RBM14: variants seen among roughly 807,000 people sequenced by gnomAD.
RBM14 encodes RNA binding motif protein 14.
RBM14 carries 5 observed loss-of-function variants against 52.8 expected under a neutral mutation model. That is an observed-to-expected ratio of 0.09 (90% confidence interval 0.05 to 0.20). RBM14 has a LOEUF of 0.20. Among genes scored for constraint, RBM14 ranks in the 10% least tolerant of loss-of-function variants. The pLI is 1.00. For synonymous variants in RBM14, 411 were observed against 401.8 expected (o/e 1.02, Z -0.28); for missense variants, 780 against 926.6 (o/e 0.84, Z 2.05).
chr11:66,622,786 T>A (rs1859176704), intron 1 of RBM14, among the ~76,000 whole-genome samples: 1 of 152,238 alleles, frequency 6.6e-6, no homozygotes, highest in African/African-American at 2.4e-5. Flanking sequence ...TTGGAGGTTA[T>A]TAAGAATGTT....
In RBM14 at chr11:66,629,929, A is replaced by T. The variant is rs921730744; in HGVS notation, c.*3261A>T. On this transcript the variant is annotated 3_prime_UTR_variant, in exon 3 of 3. Coordinates refer to ENST00000310137, the MANE Select transcript of RBM14 (RefSeq NM_006328.4). ...TTGTCTCTACCAAAAGAAAAGAAAA[A>T]AAAAAGCCAGCTGTGGTGGCATGCA... 6.6e-6 allele frequency among the ~76,000 whole-genome samples: 1 copy of T among 152,076 alleles called. No homozygotes were observed. The highest frequency in any genetic ancestry group is 2.4e-5 in the African/African-American group (1 of 41,410).
chr11:66,625,820 G>C lies in RBM14; in HGVS notation c.1802+142G>C. On this transcript the variant is annotated intron_variant, in intron 2 of 2. Coordinates refer to ENST00000310137, the MANE Select transcript of RBM14 (RefSeq NM_006328.4). This position sits in a 1 kb window ranked among gnomAD's most constrained non-coding sequence, Gnocchi z 4.2. ...TTGTGGGATGTCCAGAGGCCGAGGGGAGCAGTGTCTATGAACTTTCCTGGT... is the reference window on the plus strand; with the variant it reads ...TTGTGGGATGTCCAGAGGCCGAGGGCAGCAGTGTCTATGAACTTTCCTGGT... The C allele has an allele frequency of 1.5e-6, 1 of 684,984 alleles. No homozygotes were observed. The highest frequency in any genetic ancestry group is 2.0e-5 in the South Asian group (1 of 50,518). The allele number at this position is 684,984 out of a possible 1,614,324, so 42.4% of individuals were successfully genotyped here. A position where few individuals can be genotyped will look rare whatever the true frequency, so the allele number is the denominator to read the frequency against.
rs764619368 is a variant in RBM14, at chr11:66,625,157, C to T, written c.1281C>T (p.Ser427=). ...YAAQQAASYS[S]QPAAYVAQPA... ...CACAGCAGGCTGCTTCCTACTCTTC[C>T]CAACCTGCTGCCTATGTGGCACAGC... The change falls in exon 2 of 3, where the codon TCC becomes TCT. Residue 427 remains serine (S), a synonymous_variant. Coordinates refer to ENST00000310137, the MANE Select transcript of RBM14 (RefSeq NM_006328.4). The surrounding 1 kb of genome is among the most constrained non-coding windows in gnomAD (Gnocchi z 4.2). 10 of 1,612,658 alleles carry T rather than the reference C, an allele frequency of 6.2e-6. No individual in the cohort carries two copies. The highest frequency in any genetic ancestry group is 8.5e-6 in the Non-Finnish European group (10 of 1,180,006).
Position 66,627,625 on chromosome 11 carries a change from T to C in RBM14, c.*957T>C, listed in dbSNP as rs1346666062. ...ATGCAGTAAATGATGCCCATTTTCCTCTGCCTGTGCTTGACCATTTTCACT... is the reference window on the plus strand; with the variant it reads ...ATGCAGTAAATGATGCCCATTTTCCCCTGCCTGTGCTTGACCATTTTCACT... On this transcript the variant is annotated 3_prime_UTR_variant, in exon 3 of 3. Coordinates refer to ENST00000310137, the MANE Select transcript of RBM14 (RefSeq NM_006328.4). Among the ~76,000 whole-genome samples the C allele has an allele frequency of 6.6e-6, 1 of 152,236 alleles. No homozygotes were observed. The highest frequency in any genetic ancestry group is 1.5e-5 in the Non-Finnish European group (1 of 68,048).
In RBM14 at chr11:66,624,656, C is replaced by T. The variant is rs1215537963; in HGVS notation, c.780C>T (p.Gly260=). 1 of 1,613,420 alleles carries T rather than the reference C, an allele frequency of 6.2e-7. No homozygotes were observed. The highest frequency in any genetic ancestry group is 8.5e-7 in the Non-Finnish European group (1 of 1,179,932). ...AGCCTTCTGCCTCTTTGGGTGTTGG[C>T]TATCGGACTCAGCCCATGACAGCCC... ...RAQPSASLGV[G]YRTQPMTAQA... The change falls in exon 2 of 3, where the codon GGC becomes GGT. Residue 260 remains glycine, a synonymous_variant. Coordinates refer to ENST00000310137, the MANE Select transcript of RBM14 (RefSeq NM_006328.4). This position sits in a 1 kb window ranked among gnomAD's most constrained non-coding sequence, Gnocchi z 4.7.
rs1352943341 is a variant in RBM14, at chr11:66,625,839, T to C, written c.1802+161T>C. ...CGAGGGGAGCAGTGTCTATGAACTT[T>C]CCTGGTCACCAGGGTTCAGGTGGAG... On this transcript the variant is annotated intron_variant, in intron 2 of 2. Transcript: ENST00000310137. The surrounding 1 kb of genome is among the most constrained non-coding windows in gnomAD (Gnocchi z 4.2). 4.8e-6 allele frequency: 3 copies of C among 630,124 alleles called. No homozygotes were observed. Among genetic ancestry groups the C allele is most frequent in the Non-Finnish European group, 8.1e-6 (3 of 370,854 alleles). 39.0% of individuals were successfully genotyped at this position (630,124 alleles called of 1,614,324 possible).
At position 66,629,708 on chromosome 11, in the gene RBM14, G is replaced by C. The variant is rs1396520726; in HGVS notation, c.*3040G>C. Among the ~76,000 whole-genome samples, 1 of 152,172 alleles carries C rather than the reference G, an allele frequency of 6.6e-6. No homozygotes were observed. The highest frequency in any genetic ancestry group is 1.5e-5 in the Non-Finnish European group (1 of 68,036). ...CTTTGAAAGGTCATAAAGGGTAAAA[G>C]TCTATAGTTTTCCAGAAAATAATTC... On this transcript the variant is annotated 3_prime_UTR_variant, in exon 3 of 3. Transcript: ENST00000310137.
At position 66,624,562 on chromosome 11, in the gene RBM14, C is replaced by T. The variant is rs1214944333; in HGVS notation, c.686C>T (p.Pro229Leu). ...RSPPRASYVA[P>L]LTAQPATYRA... ...CCTCCCCGAGCCTCTTATGTGGCTCCTCTGACGGCCCAGCCAGCTACCTAC... is the reference window on the plus strand; with the variant it reads ...CCTCCCCGAGCCTCTTATGTGGCTCTTCTGACGGCCCAGCCAGCTACCTAC... The change falls in exon 2 of 3, where the codon CCT (proline) becomes CTT (leucine). Residue 229 changes from proline to leucine, a missense_variant. This residue lies in a region of RBM14 where 675 missense variants were observed against 697.3 expected (regional missense o/e 0.97). Transcript: ENST00000310137. The surrounding 1 kb of genome is among the most constrained non-coding windows in gnomAD (Gnocchi z 4.7). 9 of 1,612,570 alleles carry T rather than the reference C, an allele frequency of 5.6e-6. No individual in the cohort carries two copies. Among genetic ancestry groups the T allele is most frequent in the Non-Finnish European group, 7.6e-6 (9 of 1,180,022 alleles).
chr11:66,623,958 C>T (rs1383711055), intron 1 of RBM14: 3 of 728,420 alleles, frequency 4.1e-6, no homozygotes, highest in Admixed American at 4.0e-5. Flanking sequence ...CTTCTCTCAC[C>T]AGGAAGTTGG....
In RBM14 at chr11:66,624,339, C is replaced by T; in HGVS notation, c.463C>T (p.Pro155Ser). 6.2e-7 allele frequency: 1 copy of T among 1,614,114 alleles called. No homozygotes were observed. Among genetic ancestry groups the T allele is most frequent in the Non-Finnish European group, 8.5e-7 (1 of 1,179,976 alleles). Residue 155 changes from proline to serine, a missense_variant, in exon 2 of 3, where the codon CCT (proline) becomes TCT (serine). Transcript: ENST00000310137. This position sits in a 1 kb window ranked among gnomAD's most constrained non-coding sequence, Gnocchi z 4.7. The part of the protein sequence containing the change: ...ELSTKGQKKG[P>S]GLAVQSGDKT... ...CTCCACCAAGGGTCAGAAGAAGGGGCCTGGCCTGGCTGTCCAGTCTGGGGA... is the reference window on the plus strand; with the variant it reads ...CTCCACCAAGGGTCAGAAGAAGGGGTCTGGCCTGGCTGTCCAGTCTGGGGA...
intron 1 of RBM14, among the ~76,000 whole-genome samples, chr11:66,623,369 T>C (rs1401657460): frequency 1.2e-4 from 18 of 152,228 alleles, no homozygotes; most frequent in Non-Finnish European, 1.5e-5. Flanking sequence ...TCTTCTCTGC[T>C]TCTAAGCCTA....
At chr11:66,620,987 A>AT (rs1859080301) in intron 1 of RBM14, 2 of 151,474 alleles carry the variant, frequency 1.3e-5, no homozygotes, top group South Asian at 4.2e-4. Context: ...TTTTATTTTT[A>AT]TTTTTTATTT....
rs751672990 is a variant in RBM14 at position 66,624,484 on chromosome 11, G to A, written c.608G>A (p.Arg203His). 21 of 1,613,220 alleles carry A rather than the reference G, an allele frequency of 1.3e-5. No individual in the cohort carries two copies. The highest frequency in any genetic ancestry group is 5.3e-5 in the African/African-American group (4 of 74,888). Residue 203 changes from arginine (R) to histidine (H), a missense_variant, in exon 2 of 3, where the codon CGT (arginine) becomes CAT (histidine). Physicochemically the swap from Arg to His is conservative, Grantham distance 29 (BLOSUM62 0). Coordinates refer to ENST00000310137, the MANE Select transcript of RBM14 (RefSeq NM_006328.4). This position sits in a 1 kb window ranked among gnomAD's most constrained non-coding sequence, Gnocchi z 4.7. ...NSTGGFDGQA[R>H]QPTPPFFGRD... Reference sequence around the variant, plus strand: ...ACTGGTGGCTTTGATGGGCAAGCCCGTCAGCCCACACCACCCTTCTTTGGT... The same window carrying A: ...ACTGGTGGCTTTGATGGGCAAGCCCATCAGCCCACACCACCCTTCTTTGGT...
intron 1 of RBM14, among the ~76,000 whole-genome samples, chr11:66,622,259 T>TCTTG (rs1859150798): frequency 6.9e-6 from 1 of 145,550 alleles, no homozygotes; most frequent in Non-Finnish European, 1.5e-5. Flanking sequence ...TGAAATGGAG[T>TCTTG]CTTGCTGTGT....
chr11:66,626,334 A>G, intron 2 of RBM14, 127 bp from the exon 3 acceptor site: 1 of 952,024 alleles, frequency 1.1e-6, no homozygotes, highest in Non-Finnish European at 1.6e-6. Flanking sequence ...TTCTGACAAA[A>G]GGAGACCAAT....
At chr11:66,623,991 G>C (rs1014226544) in intron 1 of RBM14, 1 of 796,574 alleles carries the variant, frequency 1.3e-6, no homozygotes, top group Non-Finnish European at 2.2e-6. Context: ...GGTTTGTAAA[G>C]GGGAGAATGG....
intron 1 of RBM14, chr11:66,618,622 G>T (rs1166619615): frequency 5.6e-6 from 4 of 713,756 alleles, no homozygotes; most frequent in Non-Finnish European, 1.0e-5. Context: ...CTCAGATTGG[G>T]TACTTGTCCA....
Position 66,624,997 on chromosome 11 carries a change from T to C in RBM14, c.1121T>C (p.Leu374Ser). The stretch of plus-strand genomic sequence containing the variant: ...AACACCCAGGGAGCAGCTTCCTCCT[T>C]AGGCTCCTACGGGGCTCAGGCAGCC... ...SYNTQGAASSLGSYGAQAASY... is the reference protein window; with the variant it reads ...SYNTQGAASSSGSYGAQAASY... The change falls in exon 2 of 3, where the codon TTA becomes TCA. Residue 374 changes from leucine to serine, a missense_variant. By Grantham distance (145) the Leu-to-Ser change is moderately radical. Coordinates refer to ENST00000310137, the MANE Select transcript of RBM14 (RefSeq NM_006328.4). The surrounding 1 kb of genome is among the most constrained non-coding windows in gnomAD (Gnocchi z 4.7). 6.2e-7 allele frequency: 1 copy of C among 1,613,740 alleles called. No individual in the cohort carries two copies.
At position 66,624,834 on chromosome 11, in the gene RBM14, G is replaced by A; in HGVS notation, c.958G>A (p.Gly320Ser). ...PSASALSSYG[G>S]QAAAASSLNS... is the part of the protein sequence containing the mutation. ...AGCCTCGGCCCTTTCCTCCTATGGG[G>A]GTCAGGCAGCTGCAGCTTCTTCGCT... The change falls in exon 2 of 3, where the codon GGT becomes AGT. Residue 320 changes from glycine (G) to serine (S), a missense_variant. Coordinates refer to ENST00000310137, the MANE Select transcript of RBM14 (RefSeq NM_006328.4). This position sits in a 1 kb window ranked among gnomAD's most constrained non-coding sequence, Gnocchi z 4.7. 1 of 1,613,894 alleles carries A rather than the reference G, an allele frequency of 6.2e-7. No homozygotes were observed. The highest frequency in any genetic ancestry group is 1.7e-5 in the Admixed American group (1 of 59,998).
Sources: allele counts gnomAD v4.1 joint callset (sites outside exome capture counted in the v4.1 genomes callset), GRCh38; gene constraint gnomAD v4.1.1; regional missense constraint gnomAD v4.1.1; non-coding constraint Gnocchi (gnomAD v3.1); transcripts MANE v1.5; gene names NCBI Gene and HGNC (gene_info 2026-07-23, HGNC 2026-07-21).